The following PSD2 variants were observed in gnomAD, a reference collection of about 807,000 sequenced individuals.
PSD2 encodes the protein PH and SEC7 domain-containing protein 2.
In PSD2, 38 loss-of-function variants were observed where a neutral mutation model predicts 69.8. The observed-to-expected ratio is 0.54, with a 90% confidence interval of 0.42 to 0.71. The LOEUF (loss-of-function observed/expected upper bound fraction) is 0.71. Among genes scored for constraint, PSD2 ranks in the 30% least tolerant of loss-of-function variants. The pLI, the probability that PSD2 is intolerant of heterozygous loss-of-function variation, is 0.00. For missense variants in PSD2, 943 were observed against 1,014.5 expected, an observed-to-expected ratio of 0.93 and a Z score of 0.96; for synonymous variants, 412 against 423.0, an observed-to-expected ratio of 0.97 and a Z score of 0.32.
chr5:139,834,200 G>A (rs1407820985), intron 8 of PSD2, among the ~76,000 whole-genome samples: 1 of 152,082 alleles, frequency 6.6e-6, no homozygotes, highest in African/African-American at 2.4e-5. Flanking sequence ...TGAAGTGAAG[G>A]GTGGAACTCT....
the PSD2 span, among the ~76,000 whole-genome samples, chr5:139,746,741 T>G: frequency 3.3e-5 from 5 of 152,204 alleles, no homozygotes; most frequent in East Asian, 9.7e-4. The surrounding 1 kb of genome is among the most constrained non-coding windows in gnomAD (Gnocchi z 4.5). Flanking sequence ...CAGCACCCCC[T>G]GACCCCCACG....
chr5:139,752,856 G>T, the PSD2 span, among the ~76,000 whole-genome samples: 1 of 152,206 alleles, frequency 6.6e-6, no homozygotes. Context: ...AGTCGAGGGT[G>T]ATTTATAACA....
Position 139,814,367 on chromosome 5 carries a change from G to A in PSD2, c.1016+3G>A. 1 of 1,595,694 alleles carries A rather than the reference G, an allele frequency of 6.3e-7. No individual in the cohort carries two copies. Among genetic ancestry groups the A allele is most frequent in the Middle Eastern group, 2.1e-4 (1 of 4,810 alleles). ...GTGGCCCGGCAGCTGGGCAAGAAGT[G>A]AGTGTGAGCTCCCCTGCCCCCAACC... On this transcript the variant is annotated splice_donor_region_variant and intron_variant, in intron 4 of 14. Coordinates refer to ENST00000274710, the MANE Select transcript of PSD2 (RefSeq NM_032289.4). This position sits in a 1 kb window ranked among gnomAD's most constrained non-coding sequence, Gnocchi z 4.4.
chr5:139,822,530 C>T lies in PSD2; in HGVS notation c.1211-196C>T, dbSNP rs536396796. 6.6e-5 allele frequency among the ~76,000 whole-genome samples: 10 copies of T among 152,276 alleles called. No individual in the cohort carries two copies. The South Asian group carries it at 1.0e-3, about 16-fold the overall frequency. ...AGAGTGGGTCCAGGGTGGTCAGGCTCCTGGGGCAGGCAAGTGACTTGGGTC... is the reference window on the plus strand; with the variant it reads ...AGAGTGGGTCCAGGGTGGTCAGGCTTCTGGGGCAGGCAAGTGACTTGGGTC... On this transcript the variant is annotated intron_variant, in intron 6 of 14. Coordinates refer to ENST00000274710, the MANE Select transcript of PSD2 (RefSeq NM_032289.4).
upstream of PSD2, among the ~76,000 whole-genome samples, chr5:139,792,693 GCTGT>G (rs906616256): frequency 3.3e-5 from 5 of 152,024 alleles, no homozygotes; most frequent in Non-Finnish European, 7.4e-5. Flanking sequence ...TGTTGACCCT[GCTGT>G]CTTTCTTTCT....
chr5:139,809,386 G>A lies in PSD2; in HGVS notation c.-50-5G>A. The A allele has an allele frequency of 6.4e-7, 1 of 1,565,912 alleles. No individual in the cohort carries two copies. Among genetic ancestry groups the A allele is most frequent in the Non-Finnish European group, 8.6e-7 (1 of 1,162,470 alleles). On this transcript the variant is annotated splice_region_variant and splice_polypyrimidine_tract_variant and intron_variant, in intron 1 of 14. Transcript: ENST00000274710. Reference sequence around the variant, plus strand: ...CCAGTTCTTCCTCTCTCCACCCACTGCCAGGTCTAGAGGAGTCCCAGGAGC... The same window carrying A: ...CCAGTTCTTCCTCTCTCCACCCACTACCAGGTCTAGAGGAGTCCCAGGAGC...
At chr5:139,817,127 C>T (rs1760140342) in intron 4 of PSD2, among the ~76,000 whole-genome samples, 1 of 152,234 alleles carries the variant, frequency 6.6e-6, no homozygotes, top group Non-Finnish European at 1.5e-5. Context: ...CCGGCCTCAT[C>T]ACTTGCTGCC....
the PSD2 span, among the ~76,000 whole-genome samples, chr5:139,748,139 T>C: frequency 2.0e-5 from 3 of 152,060 alleles, no homozygotes; most frequent in Non-Finnish European, 4.4e-5. Flanking sequence ...GCCCCAGCAC[T>C]GACCCAGGAA....
the PSD2 span, among the ~76,000 whole-genome samples, chr5:139,744,032 C>CT: frequency 3.3e-5 from 5 of 152,186 alleles, no homozygotes; most frequent in East Asian, 9.6e-4. Context: ...GGCCTGTACA[C>CT]TAAGCATTAT....
chr5:139,752,853 G>A, the PSD2 span, among the ~76,000 whole-genome samples: 1 of 152,192 alleles, frequency 6.6e-6, no homozygotes, highest in East Asian at 1.9e-4. Context: ...TTGAGTCGAG[G>A]GTGATTTATA....
At chr5:139,826,287 C>G (rs915677959) in intron 7 of PSD2, among the ~76,000 whole-genome samples, 2 of 152,202 alleles carry the variant, frequency 1.3e-5, no homozygotes, top group African/African-American at 4.8e-5. Context: ...GGGGGCCTGA[C>G]AGGAGCCAGC....
At chr5:139,746,783 C>G in the PSD2 span, among the ~76,000 whole-genome samples, 1 of 152,314 alleles carries the variant, frequency 6.6e-6, no homozygotes, top group Non-Finnish European at 1.5e-5. This position sits in a 1 kb window ranked among gnomAD's most constrained non-coding sequence, Gnocchi z 4.5. Context: ...CTTCATCTAG[C>G]GCTCCCGGGG....
chr5:139,815,194 C>T (rs1357497874), intron 4 of PSD2, among the ~76,000 whole-genome samples: 1 of 152,084 alleles, frequency 6.6e-6, no homozygotes, highest in South Asian at 2.1e-4. Context: ...TCCCTCCCTC[C>T]ACTTCTCCCT....
At chr5:139,795,231 C>T (rs929978291), upstream of PSD2, among the ~76,000 whole-genome samples, 11 of 152,148 alleles carry the variant, frequency 7.2e-5, no homozygotes, top group African/African-American at 2.2e-4. The surrounding 1 kb of genome is among the most constrained non-coding windows in gnomAD (Gnocchi z 4.5). Context: ...GTCTCCGTCC[C>T]GTCCCGTGTG....
chr5:139,786,988 A>G, the PSD2 span, among the ~76,000 whole-genome samples: 1 of 152,006 alleles, frequency 6.6e-6, no homozygotes, highest in Non-Finnish European at 1.5e-5. Flanking sequence ...GGATTCTGTC[A>G]CTCGCACAAC....
At chr5:139,775,081 G>A in the PSD2 span, among the ~76,000 whole-genome samples, 1 of 152,230 alleles carries the variant, frequency 6.6e-6, no homozygotes, top group Non-Finnish European at 1.5e-5. Flanking sequence ...CACCAGTCTG[G>A]GATCAGCAAG....
chr5:139,763,639 C>G, the PSD2 span, among the ~76,000 whole-genome samples: 1 of 152,248 alleles, frequency 6.6e-6, no homozygotes, highest in Non-Finnish European at 1.5e-5. Context: ...TTGCTCACAC[C>G]TTCCCTGCTC....
intron 1 of PSD2, among the ~76,000 whole-genome samples, chr5:139,804,881 C>A (rs566216423): frequency 6.7e-6 from 1 of 150,316 alleles, no homozygotes; most frequent in East Asian, 2.0e-4. Flanking sequence ...GTGTGTGTGT[C>A]TGTGTGCATG....
At chr5:139,790,553 A>G in the PSD2 span, among the ~76,000 whole-genome samples, 1 of 152,152 alleles carries the variant, frequency 6.6e-6, no homozygotes. Context: ...GCAGCCAGAG[A>G]GGCAGGAGGA....
Sources: gnomAD v4.1 joint callset for allele counts (sites outside exome capture counted in the v4.1 genomes callset) on GRCh38, gnomAD v4.1.1 for gene constraint, Gnocchi (gnomAD v3.1) non-coding constraint, MANE v1.5 for transcripts, NCBI Gene and HGNC (gene_info 2026-07-23, HGNC 2026-07-21) for gene names.